Variants in SCYL3 observed in about 807,000 individuals in gnomAD.
The protein encoded by SCYL3 is SCY1 like pseudokinase 3.
SCYL3 carries 35 observed loss-of-function variants against 73.8 expected under a neutral mutation model. The ratio of observed to expected loss-of-function variants is 0.47; its 90% CI spans 0.36 to 0.63. The LOEUF (loss-of-function observed/expected upper bound fraction) is 0.63, where lower values mean the gene tolerates loss of function less well. Ranked by LOEUF, SCYL3 falls within the 20% of genes least tolerant of loss-of-function variation. The pLI, the probability that SCYL3 is intolerant of heterozygous loss-of-function variation, is 0.00. For synonymous variants in SCYL3, 277 were observed against 295.2 expected (o/e 0.94, Z 0.63); for missense variants, 712 against 798.9 (o/e 0.89, Z 1.31).
chr1:169,884,619 G>A (rs992284357), intron 2 of SCYL3, among the ~76,000 whole-genome samples: 5 of 151,952 alleles, frequency 3.3e-5, no homozygotes, highest in Non-Finnish European at 5.9e-5. Flanking sequence ...TTTGAGCTAC[G>A]GTTTCTGTAT....
intron 4 of SCYL3, among the ~76,000 whole-genome samples, chr1:169,875,686 C>A (rs1660746612): frequency 2.0e-5 from 3 of 152,156 alleles, no homozygotes; most frequent in Admixed American, 2.0e-4. Context: ...CAAGTAAGTA[C>A]AAGGTACTAT....
At position 169,850,289 on chromosome 1, in the gene SCYL3, C is replaced by A; in HGVS notation, c.*3424G>T. 2 of 1,611,970 alleles carry A rather than the reference C, an allele frequency of 1.2e-6. No homozygotes were observed. The highest frequency in any genetic ancestry group is 1.7e-6 in the Non-Finnish European group (2 of 1,178,326). On this transcript the variant is annotated 3_prime_UTR_variant, in exon 13 of 13. Transcript: ENST00000367771. ...GGGAACAAATCATGAAGAGATAGTT[C>A]CACAGTGTCTCAGTTCTGAAGAAAC... is the stretch of plus-strand genomic sequence containing the variant.
chr1:169,854,766 G>T lies in SCYL3; in HGVS notation c.1511C>A (p.Ser504Tyr), dbSNP rs146013542. The change falls in exon 12 of 13, where the codon TCC becomes TAC. Residue 504 changes from serine (S) to tyrosine (Y), a missense_variant. Physicochemically the swap from Ser to Tyr is moderately radical, Grantham distance 144. Transcript: ENST00000367771. ...WPREPCDDVK[S>Y]QCTTLDVEES... ...TTCCACATCCAAGGTAGTGCACTGG[G>T]ACTTGACATCATCACAAGGTTCTCT... The T allele has an allele frequency of 2.5e-6, 4 of 1,613,844 alleles. No individual in the cohort carries two copies. Among genetic ancestry groups the T allele is most frequent in the Non-Finnish European group, 3.4e-6 (4 of 1,179,950 alleles).
In SCYL3 at chr1:169,862,681, G is replaced by A. The variant is rs770346500; in HGVS notation, c.1072C>T (p.Leu358=). The A allele has an allele frequency of 6.2e-7, 1 of 1,614,200 alleles. No homozygotes were observed. Among genetic ancestry groups the A allele is most frequent in the South Asian group, 1.1e-5 (1 of 91,084 alleles). ...TCCACGTAGGCCTCGATGTGAGACA[G>A]CAGCACCATCCGCACATGCTCTTCA... ...VHEEHVRMVL[L]SHIEAYVEHF... Residue 358 remains leucine (L), a synonymous_variant, in exon 10 of 13, where the codon CTG becomes TTG. Coordinates refer to ENST00000367771, the MANE Select transcript of SCYL3 (RefSeq NM_020423.7).
intron 11 of SCYL3, 141 bp from the exon 12 acceptor site, chr1:169,855,105 A>C: frequency 1.7e-6 from 1 of 598,526 alleles, no homozygotes; most frequent in South Asian, 2.3e-5. Flanking sequence ...AAGAGATCCC[A>C]GCAGAACATT....
intron 2 of SCYL3, among the ~76,000 whole-genome samples, chr1:169,883,240 G>A (rs183731000): frequency 2.0e-5 from 3 of 152,220 alleles, no homozygotes; most frequent in South Asian, 2.1e-4. Context: ...CACCAATTCC[G>A]GACACAATAC....
rs1303077823 is a variant in SCYL3, at chr1:169,867,738, G to A, written c.738-765C>T. Among the ~76,000 whole-genome samples, 3 of 152,312 alleles carry A rather than the reference G, an allele frequency of 2.0e-5. No individual in the cohort carries two copies. The South Asian group carries it at 6.2e-4, about 32-fold the overall frequency. On this transcript the variant is annotated intron_variant, in intron 7 of 12. Transcript: ENST00000367771. ...GCCTCTGTAAGAGATGCTGACCCTG[G>A]CTCCTACTGTTGTCTCTTAACTGGG...
rs1239151970 is a variant in SCYL3, at chr1:169,859,054, G to C, written c.1299C>G (p.Asp433Glu). ...RTAPSFTKNT[D>E]LSLEGDPFSQ... The stretch of plus-strand genomic sequence containing the variant: ...AATAATTCTTACCTTCTAGAGAAAG[G>C]TCAGTATTTTTAGTAAAACTTGGGG... Residue 433 changes from aspartate to glutamate, a missense_variant, in exon 11 of 13, where the codon GAC becomes GAG. Asp to Glu is a conservative substitution (Grantham distance 45, BLOSUM62 2). Coordinates refer to ENST00000367771, the MANE Select transcript of SCYL3 (RefSeq NM_020423.7). 3 of 1,612,836 alleles carry C rather than the reference G, an allele frequency of 1.9e-6. No homozygotes were observed. The highest frequency in any genetic ancestry group is 2.5e-6 in the Non-Finnish European group (3 of 1,179,714).
Position 169,852,151 on chromosome 1 carries a change from A to G in SCYL3, c.*1562T>C, listed in dbSNP as rs1571360390. 1 of 621,878 alleles carries G rather than the reference A, an allele frequency of 1.6e-6. No homozygotes were observed. The highest frequency in any genetic ancestry group is 1.8e-5 in the African/African-American group (1 of 54,388). 38.5% of individuals were successfully genotyped at this position (621,878 alleles called of 1,614,324 possible). A position where few individuals can be genotyped will look rare whatever the true frequency, so the allele number is the denominator to read the frequency against. On this transcript the variant is annotated 3_prime_UTR_variant, in exon 13 of 13. Transcript: ENST00000367771. ...TATATTCTTTCAGTATGTTTGAATT[A>G]TTGGTAGTAACCTTTAAGGGAAGTT...
At chr1:169,886,446 C>A (rs1212752246) in intron 2 of SCYL3, among the ~76,000 whole-genome samples, 2 of 152,210 alleles carry the variant, frequency 1.3e-5, no homozygotes, top group Non-Finnish European at 2.9e-5. Context: ...TTGACTAACC[C>A]TTCCACAACA....
chr1:169,871,463 T>C (rs933832135), intron 5 of SCYL3, among the ~76,000 whole-genome samples: 5 of 152,204 alleles, frequency 3.3e-5, no homozygotes, highest in African/African-American at 7.2e-5. Context: ...GGAACTTTTG[T>C]AAATTGCCCA....
chr1:169,884,550 G>A (rs1338377927), intron 2 of SCYL3, among the ~76,000 whole-genome samples: 4 of 152,078 alleles, frequency 2.6e-5, no homozygotes. Flanking sequence ...CACCTACCTC[G>A]GCCTCCCAAA....
chr1:169,854,680 C>T lies in SCYL3; in HGVS notation c.1597G>A (p.Gly533Arg), dbSNP rs1308787094. The change falls in exon 12 of 13, where the codon GGA (glycine) becomes AGA (arginine). Residue 533 changes from glycine (G) to arginine (R), a missense_variant. Coordinates refer to ENST00000367771, the MANE Select transcript of SCYL3 (RefSeq NM_020423.7). ...SLDTKVNPGG[G>R]ITATKPVTSG... ...GTAACAGGTTTTGTAGCAGTGATTC[C>T]ACCTCCTGGGTTTACTTTAGTATCT... 1 of 1,614,022 alleles carries T rather than the reference C, an allele frequency of 6.2e-7. No individual in the cohort carries two copies. The highest frequency in any genetic ancestry group is 8.5e-7 in the Non-Finnish European group (1 of 1,179,956).
At position 169,868,948 on chromosome 1, in the gene SCYL3, T is replaced by G; in HGVS notation, c.717A>C (p.Leu239Phe). 6.2e-7 allele frequency: 1 copy of G among 1,613,804 alleles called. No individual in the cohort carries two copies. The highest frequency in any genetic ancestry group is 1.1e-5 in the South Asian group (1 of 91,066). The change falls in exon 7 of 13, where the codon TTA becomes TTC. Residue 239 changes from leucine to phenylalanine, a missense_variant. This residue lies in a region of SCYL3 where 342 missense variants were observed against 448.1 expected (regional missense o/e 0.76). Transcript: ENST00000367771. ...IPKCRPALCT[L>F]LSHDFFRNDF... ...CTCACCTGAAGAAGTCATGAGATAG[T>G]AAGGTGCAGAGCGCTGGCCGACATT...
Position 169,853,697 on chromosome 1 carries a change from T to TAACTC in SCYL3, c.*11_*15dup, listed in dbSNP as rs1658728026. 1 of 1,612,278 alleles carries TAACTC rather than the reference T, an allele frequency of 6.2e-7. No individual in the cohort carries two copies. The highest frequency in any genetic ancestry group is 1.1e-5 in the South Asian group (1 of 90,764). Reference sequence around the variant, plus strand: ...AAAGGGAATCCTTTTTCCTAAAGTTTAACTCACATCTATTGTCACCAGTTA... The same window carrying TAACTC: ...AAAGGGAATCCTTTTTCCTAAAGTTTAACTCAACTCACATCTATTGTCACCAGTTA... On this transcript the variant is annotated 3_prime_UTR_variant, in exon 13 of 13. Transcript: ENST00000367771.
At chr1:169,890,195 G>A (rs560410199) in intron 1 of SCYL3, among the ~76,000 whole-genome samples, 2 of 152,212 alleles carry the variant, frequency 1.3e-5, no homozygotes, top group Admixed American at 6.5e-5. Context: ...GCCACTTATC[G>A]TGAGGAACCA....
intron 4 of SCYL3, among the ~76,000 whole-genome samples, chr1:169,874,676 A>G (rs1442175433): frequency 6.6e-6 from 1 of 152,208 alleles, no homozygotes; most frequent in East Asian, 1.9e-4. Flanking sequence ...CTGTAATCCC[A>G]GCACTTTGGG....
intron 6 of SCYL3, 141 bp from the exon 7 acceptor site, chr1:169,869,180 C>T (rs1660231071): frequency 3.1e-6 from 2 of 650,908 alleles, no homozygotes; most frequent in East Asian, 5.6e-5. Flanking sequence ...CAGCTTCCTG[C>T]TTGCCTTAGG....
intron 11 of SCYL3, chr1:169,856,060 A>G (rs1659125999): frequency 2.1e-6 from 2 of 969,210 alleles, no homozygotes; most frequent in Non-Finnish European, 1.5e-6. Context: ...GTATATTTTT[A>G]TACATATAAA....
Sources: allele counts gnomAD v4.1 joint callset (sites outside exome capture counted in the v4.1 genomes callset), GRCh38; gene constraint gnomAD v4.1.1; regional missense constraint gnomAD v4.1.1; transcripts MANE v1.5; gene names NCBI Gene and HGNC (gene_info 2026-07-23, HGNC 2026-07-21).